Variants in PTPRM observed in about 807,000 individuals in gnomAD.
The protein encoded by PTPRM is protein tyrosine phosphatase receptor type M.
A neutral mutation model predicts 186.7 loss-of-function variants in PTPRM; 47 were observed. The ratio of observed to expected loss-of-function variants is 0.25; its 90% confidence interval spans 0.20 to 0.32. PTPRM has a LOEUF of 0.32. Ranked by LOEUF, PTPRM falls within the 10% of genes least tolerant of loss-of-function variation. PTPRM has a pLI of 1.00. For synonymous variants in PTPRM, 668 were observed against 674.9 expected (o/e 0.99, Z 0.16); for missense variants, 1,494 against 1,865.0 (o/e 0.80, Z 3.66).
At chr18:7,590,585 C>G (rs1460640544) in intron 1 of PTPRM, among the ~76,000 whole-genome samples, 1 of 152,042 alleles carries the variant, frequency 6.6e-6, no homozygotes, top group East Asian at 1.9e-4. Context: ...CCTAAATATC[C>G]GACAATAGAG....
intron 1 of PTPRM, among the ~76,000 whole-genome samples, chr18:7,578,062 A>G (rs1026402256): frequency 2.6e-5 from 4 of 152,132 alleles, no homozygotes; most frequent in Non-Finnish European, 5.9e-5. Flanking sequence ...TCTTCCTGGC[A>G]TTGAGTTCTC....
intron 1 of PTPRM, among the ~76,000 whole-genome samples, chr18:7,703,264 A>G (rs777755871): frequency 5.3e-5 from 8 of 152,246 alleles, no homozygotes; most frequent in Non-Finnish European, 1.0e-4. Context: ...TTTGGGCAGT[A>G]TGGCCATTTT....
intron 32 of PTPRM, chr18:8,404,130 A>G (rs2095888430): frequency 6.6e-6 from 1 of 152,120 alleles, no homozygotes; most frequent in African/African-American, 2.4e-5. Flanking sequence ...GAGCTGCCAG[A>G]CGGTTTTCCA....
At chr18:8,140,481 A>G (rs991063017) in intron 13 of PTPRM, among the ~76,000 whole-genome samples, 1 of 149,630 alleles carries the variant, frequency 6.7e-6, no homozygotes, top group Non-Finnish European at 1.5e-5. Flanking sequence ...TACATACTAG[A>G]TGTTATAACT....
chr18:7,638,175 T>G (rs2038363344), intron 1 of PTPRM, among the ~76,000 whole-genome samples: 1 of 152,136 alleles, frequency 6.6e-6, no homozygotes, highest in South Asian at 2.1e-4. Context: ...GATAGTCACA[T>G]TTCCTAGAAA....
At chr18:7,936,770 T>C (rs928344682) in intron 5 of PTPRM, among the ~76,000 whole-genome samples, 1 of 152,232 alleles carries the variant, frequency 6.6e-6, no homozygotes. Context: ...TGCCCACCCA[T>C]GGCCACCCAT....
chr18:8,188,209 C>T (rs187202500), intron 14 of PTPRM, among the ~76,000 whole-genome samples: 64 of 152,250 alleles, frequency 4.2e-4, no homozygotes, highest in African/African-American at 1.4e-3. Flanking sequence ...CATAGTTCAG[C>T]GTAAAGCTAA....
chr18:7,636,971 C>T (rs189828201), intron 1 of PTPRM, among the ~76,000 whole-genome samples: 35 of 151,990 alleles, frequency 2.3e-4, no homozygotes, highest in South Asian at 4.2e-4. Flanking sequence ...AGTTTGAGAC[C>T]AGCTTGGCCA....
At chr18:7,856,168 G>A (rs1389574630) in intron 2 of PTPRM, among the ~76,000 whole-genome samples, 1 of 151,830 alleles carries the variant, frequency 6.6e-6, no homozygotes, top group Non-Finnish European at 1.5e-5. Flanking sequence ...TATTTTCCAT[G>A]GGAATGGAAG....
At chr18:8,215,709 CT>C (rs1461057012) in intron 14 of PTPRM, among the ~76,000 whole-genome samples, 1 of 151,470 alleles carries the variant, frequency 6.6e-6, no homozygotes, top group Non-Finnish European at 1.5e-5. Context: ...GGCTCAGCTA[CT>C]TTTTTTCGTT....
At chr18:7,609,661 G>A (rs187779889) in intron 1 of PTPRM, among the ~76,000 whole-genome samples, 1 of 152,188 alleles carries the variant, frequency 6.6e-6, no homozygotes, top group Non-Finnish European at 1.5e-5. Context: ...TGGTTCCCAG[G>A]CATGCCTGCA....
chr18:7,854,868 G>T (rs549529446), intron 2 of PTPRM, among the ~76,000 whole-genome samples: 2 of 151,798 alleles, frequency 1.3e-5, no homozygotes, highest in African/African-American at 4.8e-5. Context: ...TCATCCAGCC[G>T]ACCTAGACTT....
intron 5 of PTPRM, among the ~76,000 whole-genome samples, chr18:7,931,927 T>C (rs1439883720): frequency 6.6e-6 from 1 of 152,246 alleles, no homozygotes; most frequent in Non-Finnish European, 1.5e-5. Flanking sequence ...TACCTATAGA[T>C]GACTCATGCA....
At chr18:7,721,943 AT>A (rs2040453612) in intron 1 of PTPRM, among the ~76,000 whole-genome samples, 1 of 151,804 alleles carries the variant, frequency 6.6e-6, no homozygotes, top group South Asian at 2.1e-4. Flanking sequence ...TGTTCTTAAA[AT>A]CTTGAATTTG....
At chr18:7,918,540 T>C (rs1468364417) in intron 4 of PTPRM, among the ~76,000 whole-genome samples, 1 of 152,186 alleles carries the variant, frequency 6.6e-6, no homozygotes, top group Non-Finnish European at 1.5e-5. Flanking sequence ...TCATGTCTTA[T>C]GAGAAAATTA....
intron 1 of PTPRM, among the ~76,000 whole-genome samples, chr18:7,702,615 T>G (rs1370693390): frequency 6.6e-6 from 1 of 152,246 alleles, no homozygotes; most frequent in Non-Finnish European, 1.5e-5. Context: ...ATGGATAGAT[T>G]GCAAAAATTT....
intron 4 of PTPRM, among the ~76,000 whole-genome samples, chr18:7,908,644 C>G (rs2050115990): frequency 6.6e-6 from 1 of 152,172 alleles, no homozygotes; most frequent in South Asian, 2.1e-4. Flanking sequence ...ATTACAAAGG[C>G]AGATGTTACT....
In PTPRM at chr18:8,392,078, A is replaced by G. The variant is rs376213233; in HGVS notation, c.4209-2398A>G. Among the ~76,000 whole-genome samples, 6 of 152,302 alleles carry G rather than the reference A, an allele frequency of 3.9e-5. No individual in the cohort carries two copies. In the South Asian group the frequency reaches 1.2e-3, roughly 32 times the overall value. On this transcript the variant is annotated intron_variant, in intron 31 of 32. Coordinates refer to ENST00000580170, the MANE Select transcript of PTPRM (RefSeq NM_001105244.2). ...CAAATAAATTCTCAAGAAAAAAGAG[A>G]GAGCAAAGAGGAACTCACAGAGTAA...
chr18:8,331,163 G>C (rs2095410329), intron 22 of PTPRM, among the ~76,000 whole-genome samples: 1 of 152,170 alleles, frequency 6.6e-6, no homozygotes, highest in Non-Finnish European at 1.5e-5. Context: ...GTAACTGCTA[G>C]GGAGGTCCGA....
Sources: allele counts gnomAD v4.1 joint callset (sites outside exome capture counted in the v4.1 genomes callset), GRCh38; gene constraint gnomAD v4.1.1; transcripts MANE v1.5; gene names NCBI Gene and HGNC (gene_info 2026-07-23, HGNC 2026-07-21).